Variants in INPP4B observed in about 807,000 individuals in gnomAD.
The protein encoded by INPP4B is inositol polyphosphate 4-phosphatase type II.
In INPP4B, 55 loss-of-function variants were observed where a neutral mutation model predicts 122.5. The ratio of observed to expected loss-of-function variants is 0.45; its 90% confidence interval spans 0.36 to 0.56. INPP4B has a LOEUF of 0.56. Ranked by LOEUF, INPP4B falls within the 20% of genes least tolerant of loss-of-function variation. INPP4B has a pLI of 0.00. For missense variants in INPP4B, 1,000 were observed against 1,097.7 expected (o/e 0.91, Z 1.26); for synonymous variants, 403 against 388.7 (o/e 1.04, Z -0.43).
intron 7 of INPP4B, among the ~76,000 whole-genome samples, chr4:142,325,298 T>A (rs192598179): frequency 1.3e-5 from 2 of 152,130 alleles, no homozygotes; most frequent in Admixed American, 1.3e-4. Context: ...TTCAACAGAC[T>A]ATGGTTATAT....
chr4:142,275,722 T>G lies in INPP4B; in HGVS notation c.504-4948A>C, dbSNP rs558792563. Among the ~76,000 whole-genome samples the G allele has an allele frequency of 1.2e-3, 176 of 151,936 alleles. 1 individual carries two copies. Among genetic ancestry groups the G allele is most frequent in the South Asian group, 2.7e-3 (13 of 4,832 alleles). On this transcript the variant is annotated intron_variant, in intron 9 of 25. Coordinates refer to ENST00000262992, the MANE Select transcript of INPP4B (RefSeq NM_001101669.3). ...CCATATAATGCTTTCAAATTAATAG[T>G]AAAATAAAGCTTTTCAGTATTGTTT...
intron 25 of INPP4B, among the ~76,000 whole-genome samples, chr4:142,034,988 T>A (rs10005517): frequency 0.022 from 3,336 of 152,088 alleles, 122 homozygotes; most frequent in African/African-American, 0.076. Context: ...TTTGCCCTCC[T>A]CACTTCTTGC....
At chr4:142,799,173 AT>A (rs1354115618) in intron 1 of INPP4B, among the ~76,000 whole-genome samples, 2 of 151,952 alleles carry the variant, frequency 1.3e-5, no homozygotes. Context: ...TAAGACTAAC[AT>A]TATTTATAAA....
At chr4:142,837,184 A>G (rs147512115) in intron 1 of INPP4B, among the ~76,000 whole-genome samples, 293 of 151,728 alleles carry the variant, frequency 1.9e-3, no homozygotes, top group African/African-American at 6.8e-3. Context: ...TAATAATAAT[A>G]ATAAAGGAAA....
chr4:142,505,866 A>G (rs1823958039), intron 2 of INPP4B, among the ~76,000 whole-genome samples: 1 of 152,176 alleles, frequency 6.6e-6, no homozygotes, highest in Non-Finnish European at 1.5e-5. Flanking sequence ...CAATTCTCCT[A>G]TACCCAGATA....
intron 7 of INPP4B, among the ~76,000 whole-genome samples, chr4:142,387,767 G>A (rs1342682315): frequency 1.3e-5 from 2 of 152,162 alleles, no homozygotes; most frequent in African/African-American, 4.8e-5. Context: ...TAGTGAATCT[G>A]GTGTGCTTTG....
chr4:142,270,020 T>C (rs545015106), intron 10 of INPP4B, among the ~76,000 whole-genome samples: 15 of 152,304 alleles, frequency 9.8e-5, no homozygotes, highest in African/African-American at 2.4e-4. Flanking sequence ...AATATTTACA[T>C]AGTTTCTCTG....
chr4:142,270,820 TC>T (rs1447308934), intron 9 of INPP4B, 46 bp from the exon 10 acceptor site: 3 of 1,276,852 alleles, frequency 2.3e-6, no homozygotes, highest in Non-Finnish European at 3.4e-6. Context: ...AGCTTCTCTC[TC>T]CCCCAAAAAT....
In INPP4B at chr4:142,403,018, A is replaced by C. The variant is rs1161782093; in HGVS notation, c.292T>G (p.Phe98Val). 1 of 1,611,160 alleles carries C rather than the reference A, an allele frequency of 6.2e-7. No individual in the cohort carries two copies. Among genetic ancestry groups the C allele is most frequent in the African/African-American group, 1.3e-5 (1 of 75,006 alleles). The change falls in exon 7 of 26, where the codon TTC becomes GTC. Residue 98 changes from phenylalanine (F) to valine (V), a missense_variant. Transcript: ENST00000262992. ...TCATAGATGGGATACTCAGATGGGA[A>C]TGTGACACCAGTCAAAAACAGTGGG... Reference protein sequence around the residue: ...RDPLFLTGVTFPSEYPIYEET... With the variant: ...RDPLFLTGVTVPSEYPIYEET...
intron 2 of INPP4B, among the ~76,000 whole-genome samples, chr4:142,622,098 C>T (rs1411852638): frequency 6.6e-6 from 1 of 151,952 alleles, no homozygotes; most frequent in East Asian, 1.9e-4. Context: ...TGACCTGGCA[C>T]AGGATAGATG....
At chr4:142,612,837 C>G (rs1742863165) in intron 2 of INPP4B, among the ~76,000 whole-genome samples, 1 of 152,090 alleles carries the variant, frequency 6.6e-6, no homozygotes, top group South Asian at 2.1e-4. Context: ...GGAAAAGAAG[C>G]ATTCAGTCTG....
chr4:142,252,194 T>A (rs987716942), intron 11 of INPP4B, among the ~76,000 whole-genome samples: 1 of 149,884 alleles, frequency 6.7e-6, no homozygotes, highest in Non-Finnish European at 1.5e-5. Context: ...TCATTTTTTT[T>A]TTTTTTTTTT....
chr4:142,064,621 T>A (rs888804439), intron 25 of INPP4B, among the ~76,000 whole-genome samples: 1 of 152,170 alleles, frequency 6.6e-6, no homozygotes, highest in African/African-American at 2.4e-5. Flanking sequence ...GAAGGCATTT[T>A]TCCCTTTTTT....
At chr4:142,312,148 G>A (rs1054238204) in intron 8 of INPP4B, among the ~76,000 whole-genome samples, 2 of 152,114 alleles carry the variant, frequency 1.3e-5, no homozygotes, top group Non-Finnish European at 2.9e-5. Context: ...AGATGAAGAC[G>A]CAATGTAATA....
At chr4:142,593,853 G>A (rs1738083660) in intron 2 of INPP4B, among the ~76,000 whole-genome samples, 1 of 151,496 alleles carries the variant, frequency 6.6e-6, no homozygotes, top group African/African-American at 2.4e-5. Flanking sequence ...TATTATTTCA[G>A]AATGTTCTCA....
chr4:142,255,912 C>A (rs1455609304), intron 11 of INPP4B, among the ~76,000 whole-genome samples: 1 of 146,740 alleles, frequency 6.8e-6, no homozygotes, highest in Admixed American at 6.9e-5. Flanking sequence ...TTTTTTTCAG[C>A]ACCACACCAC....
At chr4:142,074,048 G>A (rs557001825) in intron 25 of INPP4B, among the ~76,000 whole-genome samples, 1 of 152,092 alleles carries the variant, frequency 6.6e-6, no homozygotes, top group East Asian at 1.9e-4. Context: ...GTCATAGCAT[G>A]ATGCATTCTC....
chr4:142,717,662 T>C (rs1276473820), intron 2 of INPP4B, among the ~76,000 whole-genome samples: 1 of 152,114 alleles, frequency 6.6e-6, no homozygotes, highest in Non-Finnish European at 1.5e-5. Context: ...ACACCACATG[T>C]TGTCACTCAT....
rs1021587429 is a variant in INPP4B at position 142,721,812 on chromosome 4, C to T, written c.-191+4027G>A. ...CTCCGGCCTGGGTGACAGAGAGAGACTCCGTCTTAAAAAAAAAGATGTCAT... is the reference window on the plus strand; with the variant it reads ...CTCCGGCCTGGGTGACAGAGAGAGATTCCGTCTTAAAAAAAAAGATGTCAT... On this transcript the variant is annotated intron_variant, in intron 2 of 25. Transcript: ENST00000262992. 7.9e-5 allele frequency among the ~76,000 whole-genome samples: 12 copies of T among 152,142 alleles called. No individual in the cohort carries two copies. The East Asian group carries it at 2.3e-3, about 29-fold the overall frequency.
Sources: allele counts gnomAD v4.1 joint callset (sites outside exome capture counted in the v4.1 genomes callset), GRCh38; gene constraint gnomAD v4.1.1; transcripts MANE v1.5; gene names NCBI Gene and HGNC (gene_info 2026-07-23, HGNC 2026-07-21).